Variants in TBC1D30 observed in about 807,000 individuals in gnomAD.
TBC1D30 encodes TBC1 domain family, member 30.
TBC1D30 carries 31 observed loss-of-function variants against 63.2 expected under a neutral mutation model. The observed-to-expected ratio is 0.49, with a 90% CI of 0.37 to 0.66. The LOEUF is 0.66. Among genes scored for constraint, TBC1D30 ranks in the 30% least tolerant of loss-of-function variants. The pLI, the probability that TBC1D30 is intolerant of heterozygous loss-of-function variation, is 0.00. For missense variants in TBC1D30, 810 were observed against 953.6 expected (o/e 0.85, Z 1.98); for synonymous variants, 307 against 361.5 (o/e 0.85, Z 1.71).
intron 1 of TBC1D30, among the ~76,000 whole-genome samples, chr12:64,760,120 C>A (rs1870445158): frequency 6.6e-6 from 1 of 152,168 alleles, no homozygotes; most frequent in African/African-American, 2.4e-5. Context: ...TAAACACCCT[C>A]TTGGAACATG....
chr12:64,818,653 G>A (rs1204044206), intron 2 of TBC1D30: 1 of 152,584 alleles, frequency 6.6e-6, no homozygotes, highest in Non-Finnish European at 1.5e-5. Flanking sequence ...TGGCCAGGAT[G>A]GTCTTGATCT....
intron 1 of TBC1D30, among the ~76,000 whole-genome samples, chr12:64,761,419 A>G (rs181744915): frequency 6.6e-6 from 1 of 152,356 alleles, no homozygotes; most frequent in African/African-American, 2.4e-5. Flanking sequence ...GCTATGCTGC[A>G]TTCCCAGATG....
chr12:64,780,664 C>T (rs1403965743), exon 1 of TBC1D30: 3 of 773,312 alleles, frequency 3.9e-6, no homozygotes, highest in Non-Finnish European at 4.7e-6. Context: ...GGGGGAGGCC[C>T]GGGCACCTCG....
chr12:64,817,554 A>G (rs1592584443), intron 2 of TBC1D30, among the ~76,000 whole-genome samples: 1 of 152,140 alleles, frequency 6.6e-6, no homozygotes, highest in Non-Finnish European at 1.5e-5. Context: ...AATGAACTCA[A>G]CCTGGAGAGC....
chr12:64,764,979 TG>T (rs1187905003), intron 1 of TBC1D30, among the ~76,000 whole-genome samples: 4 of 152,156 alleles, frequency 2.6e-5, no homozygotes, highest in Non-Finnish European at 4.4e-5. Flanking sequence ...CTTAGGAACC[TG>T]GAAAGGTCGT....
In TBC1D30 at chr12:64,879,629, T is replaced by C. The variant is rs1352465432; in HGVS notation, c.*3841T>C. 6.6e-6 allele frequency: 1 copy of C among 152,168 alleles called. No individual in the cohort carries two copies. The highest frequency in any genetic ancestry group is 1.5e-5 in the Non-Finnish European group (1 of 68,024). The allele number at this position is 152,168 out of a possible 1,614,324, so 9.4% of individuals were successfully genotyped here. ...GCCAACAGAAGTGTTTTAGAAGCAG[T>C]GATAATGAACACTCATAACACCCAT... On this transcript the variant is annotated 3_prime_UTR_variant, in exon 12 of 12. Transcript: ENST00000539867.
chr12:64,796,145 T>A (rs1592555240), intron 2 of TBC1D30, among the ~76,000 whole-genome samples: 1 of 149,426 alleles, frequency 6.7e-6, no homozygotes, highest in Non-Finnish European at 1.5e-5. Context: ...AGTTAAGAGT[T>A]TTTTTTTTTT....
upstream of TBC1D30, chr12:64,824,537 G>T (rs914318751): frequency 1.3e-5 from 3 of 228,974 alleles, no homozygotes; most frequent in African/African-American, 2.3e-5. Context: ...GGGCGGCCCC[G>T]CCTGCGCACG....
chr12:64,771,145 C>A (rs1870892180), intron 1 of TBC1D30, among the ~76,000 whole-genome samples: 1 of 151,932 alleles, frequency 6.6e-6, no homozygotes, highest in Admixed American at 6.6e-5. Context: ...GGTAGCAGGT[C>A]CTAGCTGTGG....
intron 11 of TBC1D30, among the ~76,000 whole-genome samples, chr12:64,873,360 A>G (rs1255401660): frequency 1.3e-5 from 2 of 152,194 alleles, no homozygotes; most frequent in Non-Finnish European, 2.9e-5. Flanking sequence ...ATTGTTTGGC[A>G]TTGAGGACCC....
chr12:64,813,911 A>G (rs1245215152), intron 2 of TBC1D30, among the ~76,000 whole-genome samples: 1 of 152,174 alleles, frequency 6.6e-6, no homozygotes, highest in Non-Finnish European at 1.5e-5. Flanking sequence ...GAGAGAGACA[A>G]CAATGAGTAC....
chr12:64,830,469 T>C lies in TBC1D30; in HGVS notation c.375T>C (p.Pro125=). 6.5e-7 allele frequency: 1 copy of C among 1,535,014 alleles called. No individual in the cohort carries two copies. The highest frequency in any genetic ancestry group is 8.7e-7 in the Non-Finnish European group (1 of 1,146,186). ...TCACTTTCAATGAAAGGAGTAATCC[T>C]GATGATGACTCCATGGGAATTCAGA... ...MRFTFNERSN[P]DDDSMGIQIV... Residue 125 remains proline (P), a synonymous_variant, in exon 4 of 12, where the codon CCT becomes CCC. Transcript: ENST00000539867.
At position 64,864,627 on chromosome 12, in the gene TBC1D30, G is replaced by C. The variant is rs940030418; in HGVS notation, c.1039-41G>C. On this transcript the variant is annotated intron_variant, in intron 8 of 11. Coordinates refer to ENST00000539867, the MANE Select transcript of TBC1D30 (RefSeq NM_015279.2). ...TCCAGGATTGATAAGAGTTGTGAAG[G>C]CTACTGTTTCAGACTTGGCATTTTT... 1.5e-5 allele frequency: 20 copies of C among 1,314,798 alleles called. No individual in the cohort carries two copies. In the African/African-American group the frequency reaches 2.8e-4, roughly 18 times the overall value. The allele number at this position is 1,314,798 out of a possible 1,614,324, so 81.4% of individuals were successfully genotyped here.
chr12:64,825,157 C>A, intron 1 of TBC1D30, 124 bp downstream of exon 1: 1 of 1,340,108 alleles, frequency 7.5e-7, no homozygotes, highest in Non-Finnish European at 9.8e-7. Context: ...CCACCTGGTG[C>A]GGGGCACCGC....
upstream of TBC1D30, among the ~76,000 whole-genome samples, chr12:64,778,815 C>T (rs1317691961): frequency 6.6e-6 from 1 of 151,998 alleles, no homozygotes; most frequent in Non-Finnish European, 1.5e-5. Context: ...TGAGCCATCG[C>T]GCCCGGCTCA....
intron 2 of TBC1D30, among the ~76,000 whole-genome samples, chr12:64,791,105 A>G (rs1409741500): frequency 6.6e-6 from 1 of 152,254 alleles, no homozygotes; most frequent in Non-Finnish European, 1.5e-5. Flanking sequence ...TTATTCAGCC[A>G]TAAAAGAATG....
At chr12:64,845,512 G>T (rs1876286787) in intron 8 of TBC1D30, among the ~76,000 whole-genome samples, 1 of 152,048 alleles carries the variant, frequency 6.6e-6, no homozygotes, top group South Asian at 2.1e-4. Context: ...AGATCACGAG[G>T]TCAGGAGATC....
At position 64,879,506 on chromosome 12, in the gene TBC1D30, A is replaced by G. The variant is rs768875517; in HGVS notation, c.*3718A>G. ...ATTGCCATTCTTAAAGGTTGGAGTT[A>G]TACAAGTAGTGAATGAGAATGCCTG... On this transcript the variant is annotated 3_prime_UTR_variant, in exon 12 of 12. Transcript: ENST00000539867. The G allele has an allele frequency of 3.3e-5, 5 of 152,254 alleles. No homozygotes were observed. Among genetic ancestry groups the G allele is most frequent in the African/African-American group, 4.8e-5 (2 of 41,472 alleles). 9.4% of individuals were successfully genotyped at this position (152,254 alleles called of 1,614,324 possible).
At chr12:64,770,502 A>G (rs976703209) in intron 1 of TBC1D30, among the ~76,000 whole-genome samples, 1 of 152,050 alleles carries the variant, frequency 6.6e-6, no homozygotes, top group African/African-American at 2.4e-5. Context: ...CTTCTCAGCT[A>G]TTGCTGCTGT....
Sources: gnomAD v4.1 joint callset for allele counts (sites outside exome capture counted in the v4.1 genomes callset) on GRCh38, gnomAD v4.1.1 for gene constraint, MANE v1.5 for transcripts, NCBI Gene and HGNC (gene_info 2026-07-23, HGNC 2026-07-21) for gene names.